AGAP1: variants seen among roughly 807,000 people sequenced by gnomAD.
The protein encoded by AGAP1 is ArfGAP with GTPase domain, ankyrin repeat and PH domain 1.
A neutral mutation model predicts 105.3 loss-of-function variants in AGAP1; 29 were observed. The observed-to-expected ratio is 0.28, with a 90% CI of 0.21 to 0.38. The LOEUF (loss-of-function observed/expected upper bound fraction) is 0.38. Ranked by LOEUF, AGAP1 falls within the 10% of genes least tolerant of loss-of-function variation. The pLI, the probability that AGAP1 is intolerant of heterozygous loss-of-function variation, is 1.00. For missense variants in AGAP1, 998 were observed against 1,165.1 expected, an observed-to-expected ratio of 0.86 and a Z score of 2.09; for synonymous variants, 509 against 485.9, an observed-to-expected ratio of 1.05 and a Z score of -0.63.
Position 236,078,153 on chromosome 2 carries a change from G to C in AGAP1, c.2114+28872G>C, listed in dbSNP as rs1384938954. On this transcript the variant is annotated intron_variant, in intron 16 of 17. Coordinates refer to ENST00000304032, the MANE Select transcript of AGAP1 (RefSeq NM_001037131.3). The surrounding 1 kb of genome is among the most constrained non-coding windows in gnomAD (Gnocchi z 5.3). ...TGAAGTGTGTAGGGCAGGCCAGCCGGGGGTGTGTGTGTGTGTGTGTGTATA... is the reference window on the plus strand; with the variant it reads ...TGAAGTGTGTAGGGCAGGCCAGCCGCGGGTGTGTGTGTGTGTGTGTGTATA... Among the ~76,000 whole-genome samples the C allele has an allele frequency of 2.0e-5, 3 of 148,026 alleles. No individual in the cohort carries two copies. Among genetic ancestry groups the C allele is most frequent in the Non-Finnish European group, 3.0e-5 (2 of 67,400 alleles).
At chr2:235,854,542 C>T (rs1391686381) in intron 9 of AGAP1, among the ~76,000 whole-genome samples, 1 of 152,226 alleles carries the variant, frequency 6.6e-6, no homozygotes, top group African/African-American at 2.4e-5. Context: ...GCTACAAAGG[C>T]AAAGCCAGCT....
At chr2:235,673,074 C>A (rs921989171) in intron 1 of AGAP1, among the ~76,000 whole-genome samples, 1 of 152,168 alleles carries the variant, frequency 6.6e-6, no homozygotes, top group African/African-American at 2.4e-5. Flanking sequence ...TCTAAGTAAT[C>A]ACATGCTCAA....
At position 236,035,215 on chromosome 2, in the gene AGAP1, C is replaced by A. The variant is rs892430854; in HGVS notation, c.1646-1346C>A. On this transcript the variant is annotated intron_variant, in intron 13 of 17. Transcript: ENST00000304032. This position sits in a 1 kb window ranked among gnomAD's most constrained non-coding sequence, Gnocchi z 4.2. The stretch of plus-strand genomic sequence containing the variant: ...AGAGATAAGTAAAGTGGTTGGCAGG[C>A]AGGTAGGTGAAAGTCAGTACTAATA... Among the ~76,000 whole-genome samples the A allele has an allele frequency of 6.6e-6, 1 of 152,102 alleles. No homozygotes were observed. Among genetic ancestry groups the A allele is most frequent in the Non-Finnish European group, 1.5e-5 (1 of 68,020 alleles).
At chr2:236,108,094 A>G (rs2059545580) in intron 16 of AGAP1, among the ~76,000 whole-genome samples, 1 of 152,240 alleles carries the variant, frequency 6.6e-6, no homozygotes, top group African/African-American at 2.4e-5. Flanking sequence ...TAATTAAGGA[A>G]TAAATATCCA....
intron 1 of AGAP1, among the ~76,000 whole-genome samples, chr2:235,581,528 T>C (rs1301408191): frequency 6.6e-6 from 1 of 151,376 alleles, no homozygotes; most frequent in Non-Finnish European, 1.5e-5. Context: ...GAAAATAGGC[T>C]GGGTACAGTG....
chr2:235,834,456 G>A (rs534254964), intron 9 of AGAP1, among the ~76,000 whole-genome samples: 16 of 152,242 alleles, frequency 1.1e-4, no homozygotes, highest in Admixed American at 6.5e-4. Context: ...TCCTGTCCTC[G>A]TGCACCCACC....
In AGAP1 at chr2:235,879,293, C is replaced by G. The variant is rs1438030363; in HGVS notation, c.1051-4052C>G. 6.6e-6 allele frequency among the ~76,000 whole-genome samples: 1 copy of G among 152,206 alleles called. No homozygotes were observed. The highest frequency in any genetic ancestry group is 1.5e-5 in the Non-Finnish European group (1 of 68,038). ...TGAAAGAAAAGTGCACCTGCCCCAG[C>G]CCAGCTAGACCACAGCCATGACATG... is the stretch of plus-strand genomic sequence containing the variant. On this transcript the variant is annotated intron_variant, in intron 9 of 17. Coordinates refer to ENST00000304032, the MANE Select transcript of AGAP1 (RefSeq NM_001037131.3). The surrounding 1 kb of genome is among the most constrained non-coding windows in gnomAD (Gnocchi z 5.0).
intron 10 of AGAP1, among the ~76,000 whole-genome samples, chr2:235,884,774 C>A (rs1473324727): frequency 6.6e-6 from 1 of 152,050 alleles, no homozygotes; most frequent in East Asian, 1.9e-4. Context: ...TATTTTTAAT[C>A]CATAGTTGAT....
rs1943164444 is a variant in AGAP1, at chr2:235,535,030, A to G, written c.163+40181A>G. On this transcript the variant is annotated intron_variant, in intron 1 of 17. Transcript: ENST00000304032. The surrounding 1 kb of genome is among the most constrained non-coding windows in gnomAD (Gnocchi z 5.1). ...TTTTTCCTCCAAATGCCTCTCACCT[A>G]TTCCCAGATACTCGCTGGAGTTGGA... Among the ~76,000 whole-genome samples the G allele has an allele frequency of 6.6e-6, 1 of 152,154 alleles. No homozygotes were observed. Among genetic ancestry groups the G allele is most frequent in the African/African-American group, 2.4e-5 (1 of 41,438 alleles).
chr2:235,649,310 C>G (rs938133422), intron 1 of AGAP1, among the ~76,000 whole-genome samples: 10 of 152,094 alleles, frequency 6.6e-5, no homozygotes, highest in Non-Finnish European at 1.5e-4. Flanking sequence ...ATTCCTGGGC[C>G]CTGCCCAAGA....
rs993362374 is a variant in AGAP1, at chr2:235,623,724, A to G, written c.164-85455A>G. Among the ~76,000 whole-genome samples the G allele has an allele frequency of 3.9e-5, 6 of 152,210 alleles. No homozygotes were observed. The highest frequency in any genetic ancestry group is 1.3e-4 in the Admixed American group (2 of 15,280). ...CATTTTGGACATTTTCTCAGAATGAATGATACATCTCTGCTTTCAGCCTCC... is the reference window on the plus strand; with the variant it reads ...CATTTTGGACATTTTCTCAGAATGAGTGATACATCTCTGCTTTCAGCCTCC... On this transcript the variant is annotated intron_variant, in intron 1 of 17. Transcript: ENST00000304032. The surrounding 1 kb of genome is among the most constrained non-coding windows in gnomAD (Gnocchi z 4.5).
At position 235,703,760 on chromosome 2, in the gene AGAP1, C is replaced by A. The variant is rs182897042; in HGVS notation, c.164-5419C>A. ...TACAGGCACCTGCCACCATGCCCGGCTAATTTTTGTATTTTTAGTAGAGAT... is the reference window on the plus strand; with the variant it reads ...TACAGGCACCTGCCACCATGCCCGGATAATTTTTGTATTTTTAGTAGAGAT... On this transcript the variant is annotated intron_variant, in intron 1 of 17. Coordinates refer to ENST00000304032, the MANE Select transcript of AGAP1 (RefSeq NM_001037131.3). Among the ~76,000 whole-genome samples, 804 of 152,212 alleles carry A rather than the reference C, an allele frequency of 5.3e-3. 7 individuals carry two copies. The highest frequency in any genetic ancestry group is 0.018 in the African/African-American group (746 of 41,532).
chr2:235,859,818 C>T (rs965841579), intron 9 of AGAP1, among the ~76,000 whole-genome samples: 72 of 152,206 alleles, frequency 4.7e-4, no homozygotes, highest in African/African-American at 1.5e-3. Flanking sequence ...TCTGAAATGC[C>T]TCCGCCCTGG....
rs947425591 is a variant in AGAP1 at position 235,744,224 on chromosome 2, G to A, written c.397-474G>A. Reference sequence around the variant, plus strand: ...AGTAGGCCAGCCGCTGCGGTAGCGAGTGGGAAGGACTGAGGGGTGGGGAGG... The same window carrying A: ...AGTAGGCCAGCCGCTGCGGTAGCGAATGGGAAGGACTGAGGGGTGGGGAGG... On this transcript the variant is annotated intron_variant, in intron 4 of 17. Coordinates refer to ENST00000304032, the MANE Select transcript of AGAP1 (RefSeq NM_001037131.3). The surrounding 1 kb of genome is among the most constrained non-coding windows in gnomAD (Gnocchi z 5.2). Among the ~76,000 whole-genome samples, 9 of 152,178 alleles carry A rather than the reference G, an allele frequency of 5.9e-5. No individual in the cohort carries two copies. The highest frequency in any genetic ancestry group is 1.9e-4 in the African/African-American group (8 of 41,438).
chr2:235,813,985 G>A (rs892233210), intron 9 of AGAP1, among the ~76,000 whole-genome samples: 3 of 152,156 alleles, frequency 2.0e-5, no homozygotes, highest in Non-Finnish European at 2.9e-5. Flanking sequence ...CACCCACATC[G>A]TTCTGCCATT....
chr2:235,696,985 CA>C (rs548086109), intron 1 of AGAP1, among the ~76,000 whole-genome samples: 25 of 143,282 alleles, frequency 1.7e-4, no homozygotes, highest in East Asian at 2.0e-4. Flanking sequence ...GACTCGATCT[CA>C]AAAAAAAAAA....
chr2:235,968,726 A>G (rs1321665029), intron 13 of AGAP1, 103 bp downstream of exon 13: 8 of 1,222,298 alleles, frequency 6.5e-6, no homozygotes, highest in African/African-American at 1.6e-5. Flanking sequence ...ACAAATGCAC[A>G]GTAATGCTGG....
intron 1 of AGAP1, among the ~76,000 whole-genome samples, chr2:235,585,447 A>G (rs1196262603): frequency 6.6e-6 from 1 of 152,054 alleles, no homozygotes; most frequent in African/African-American, 2.4e-5. Context: ...CCATCTCAAA[A>G]TCTTTCACCT....
At chr2:235,813,436 G>A (rs1575533677) in intron 9 of AGAP1, among the ~76,000 whole-genome samples, 1 of 152,248 alleles carries the variant, frequency 6.6e-6, no homozygotes, top group Non-Finnish European at 1.5e-5. Flanking sequence ...TTCGTTTTAA[G>A]ACTCAGTGTG....
Sources: allele counts gnomAD v4.1 joint callset (sites outside exome capture counted in the v4.1 genomes callset), GRCh38; gene constraint gnomAD v4.1.1; non-coding constraint Gnocchi (gnomAD v3.1); transcripts MANE v1.5; gene names NCBI Gene and HGNC (gene_info 2026-07-23, HGNC 2026-07-21).